BAZ2B: variants seen among roughly 807,000 people sequenced by gnomAD.
BAZ2B encodes bromodomain adjacent to zinc finger domain 2B, also known as bromodomain adjacent to zinc finger domain protein 2B.
In BAZ2B, 91 loss-of-function variants were observed where a neutral mutation model predicts 246.0. That is an observed-to-expected ratio of 0.37 (90% confidence interval 0.31 to 0.44). The LOEUF is 0.44. Among genes scored for constraint, BAZ2B ranks in the 20% least tolerant of loss-of-function variants. BAZ2B has a pLI of 1.00. For synonymous variants in BAZ2B, 855 were observed against 860.0 expected, an observed-to-expected ratio of 0.99 and a Z score of 0.10; for missense variants, 2,332 against 2,533.7, an observed-to-expected ratio of 0.92 and a Z score of 1.71.
chr2:159,429,804 A>G (rs1468473023), intron 10 of BAZ2B, among the ~76,000 whole-genome samples: 1 of 152,200 alleles, frequency 6.6e-6, no homozygotes, highest in Admixed American at 6.5e-5. Flanking sequence ...ACAAACACAA[A>G]TAAGTTCATC....
At chr2:159,435,252 T>C (rs2071999633) in intron 8 of BAZ2B, 1 of 151,934 alleles carries the variant, frequency 6.6e-6, no homozygotes, top group South Asian at 2.1e-4. Flanking sequence ...AGTGGCACGA[T>C]CTTGGCTCGC....
chr2:159,479,450 C>T (rs1209592043), intron 2 of BAZ2B, among the ~76,000 whole-genome samples: 1 of 152,096 alleles, frequency 6.6e-6, no homozygotes, highest in Non-Finnish European at 1.5e-5. Flanking sequence ...TATGCATGCA[C>T]TGATCCCACA....
chr2:159,632,205 A>G, the BAZ2B span, among the ~76,000 whole-genome samples: 1 of 152,180 alleles, frequency 6.6e-6, no homozygotes. Context: ...CCTGTATGAA[A>G]TCCAAGGGCA....
chr2:159,529,774 G>A (rs1214231509), intron 2 of BAZ2B, among the ~76,000 whole-genome samples: 3 of 151,788 alleles, frequency 2.0e-5, no homozygotes, highest in Non-Finnish European at 4.4e-5. Context: ...GCACATGCAA[G>A]TAACTAGGCA....
chr2:159,572,543 G>C (rs1036754958), intron 1 of BAZ2B, among the ~76,000 whole-genome samples: 2 of 152,008 alleles, frequency 1.3e-5, no homozygotes, highest in Non-Finnish European at 2.9e-5. Flanking sequence ...ATTTATTTTG[G>C]ATAAATCAAT....
chr2:159,621,492 G>C (rs1342413490), upstream of BAZ2B, among the ~76,000 whole-genome samples: 1 of 152,004 alleles, frequency 6.6e-6, no homozygotes, highest in African/African-American at 2.4e-5. Flanking sequence ...AGGGGTGGAG[G>C]GGACAATCAT....
At chr2:159,666,257 CTTT>C in the BAZ2B span, among the ~76,000 whole-genome samples, 321 of 94,198 alleles carry the variant, frequency 3.4e-3, 3 homozygotes, top group Middle Eastern at 0.017. Context: ...TTTTATGATT[CTTT>C]TTTTTTTTTT....
At chr2:159,603,525 T>C (rs916883088) in intron 1 of BAZ2B, among the ~76,000 whole-genome samples, 1 of 152,162 alleles carries the variant, frequency 6.6e-6, no homozygotes, top group Non-Finnish European at 1.5e-5. Flanking sequence ...CAGTCTAACA[T>C]GGATCTGGAA....
the BAZ2B span, among the ~76,000 whole-genome samples, chr2:159,649,215 T>C: frequency 7.9e-5 from 12 of 152,200 alleles, no homozygotes; most frequent in East Asian, 2.3e-3. Flanking sequence ...ACATTTTGGA[T>C]ACAAGGCCTA....
Position 159,376,693 on chromosome 2 carries a change from T to C in BAZ2B, c.4006-1940A>G, listed in dbSNP as rs2061444783. 1.3e-5 allele frequency among the ~76,000 whole-genome samples: 2 copies of C among 152,154 alleles called. 1 individual carries two copies. Among genetic ancestry groups the C allele is most frequent in the Non-Finnish European group, 2.9e-5 (2 of 68,020 alleles). ...GCAAAAATACAGTTCAATCAATAAA[T>C]ATTCAAAATAGATATCAAATATTTG... On this transcript the variant is annotated intron_variant, in intron 25 of 36. Coordinates refer to ENST00000392783, the MANE Select transcript of BAZ2B (RefSeq NM_013450.4).
At chr2:159,315,490 C>T (rs189085470), downstream of BAZ2B, among the ~76,000 whole-genome samples, 1 of 152,188 alleles carries the variant, frequency 6.6e-6, no homozygotes, top group African/African-American at 2.4e-5. Flanking sequence ...TTCTAAGATG[C>T]CTCAGGCACA....
chr2:159,476,542 C>A (rs988445214), intron 3 of BAZ2B, among the ~76,000 whole-genome samples: 1 of 152,126 alleles, frequency 6.6e-6, no homozygotes, highest in African/African-American at 2.4e-5. Context: ...TAGTGCCCAA[C>A]ATATGACTCA....
At chr2:159,396,169 A>G (rs2063984622) in intron 19 of BAZ2B, 1 of 179,168 alleles carries the variant, frequency 5.6e-6, no homozygotes, top group Non-Finnish European at 1.2e-5. Context: ...TGGCTGGAAC[A>G]GGTCAGTTAC....
At chr2:159,501,125 T>A (rs1160490030) in intron 2 of BAZ2B, among the ~76,000 whole-genome samples, 2 of 26,678 alleles carry the variant, frequency 7.5e-5, no homozygotes, top group East Asian at 7.5e-4. Context: ...ATATATATAA[T>A]ATATATATAT....
chr2:159,434,607 C>G (rs1440544721), intron 8 of BAZ2B: 1 of 152,072 alleles, frequency 6.6e-6, no homozygotes, highest in Non-Finnish European at 1.5e-5. Flanking sequence ...CTCATTTATT[C>G]ACCTTTATGG....
the BAZ2B span, among the ~76,000 whole-genome samples, chr2:159,643,692 T>C: frequency 1.3e-5 from 2 of 151,866 alleles, no homozygotes; most frequent in Non-Finnish European, 2.9e-5. Context: ...CAGGCCAACA[T>C]GGTGAAATCC....
At chr2:159,521,722 C>T (rs1253417296) in intron 2 of BAZ2B, among the ~76,000 whole-genome samples, 1 of 151,872 alleles carries the variant, frequency 6.6e-6, no homozygotes, top group Non-Finnish European at 1.5e-5. Flanking sequence ...ATGTAAATTC[C>T]AATTGTTCTG....
chr2:159,357,035 G>C (rs2059188797), intron 27 of BAZ2B, among the ~76,000 whole-genome samples: 1 of 152,052 alleles, frequency 6.6e-6, no homozygotes, highest in African/African-American at 2.4e-5. Flanking sequence ...ACGCAAAAAG[G>C]CTAAAAATTC....
At chr2:159,698,887 A>T in the BAZ2B span, among the ~76,000 whole-genome samples, 1 of 152,252 alleles carries the variant, frequency 6.6e-6, no homozygotes, top group Admixed American at 6.5e-5. Flanking sequence ...TTTAGCAAGA[A>T]GACAATATTT....
Sources: gnomAD v4.1 joint callset for allele counts (sites outside exome capture counted in the v4.1 genomes callset) on GRCh38, gnomAD v4.1.1 for gene constraint, MANE v1.5 for transcripts, NCBI Gene and HGNC (gene_info 2026-07-23, HGNC 2026-07-21) for gene names.